Variants in ARHGAP39 observed in about 807,000 individuals in gnomAD.
The protein encoded by ARHGAP39 is Rho GTPase activating protein 39, also known as rho GTPase-activating protein 39.
In ARHGAP39, 44 loss-of-function variants were observed where a neutral mutation model predicts 106.9. That is an observed-to-expected ratio of 0.41 (90% CI 0.32 to 0.53). The LOEUF (loss-of-function observed/expected upper bound fraction) is 0.53, where lower values mean the gene tolerates loss of function less well. Ranked by LOEUF, ARHGAP39 falls within the 20% of genes least tolerant of loss-of-function variation. The pLI, the probability that ARHGAP39 is intolerant of heterozygous loss-of-function variation, is 0.21. For synonymous variants in ARHGAP39, 768 were observed against 693.2 expected (o/e 1.11, Z -1.69); for missense variants, 1,496 against 1,577.3 (o/e 0.95, Z 0.87).
At chr8:144,581,437 T>C (rs1263723569) in intron 2 of ARHGAP39, among the ~76,000 whole-genome samples, 160 bp from the exon 3 acceptor site, 3 of 152,224 alleles carry the variant, frequency 2.0e-5, no homozygotes, top group Non-Finnish European at 4.4e-5. Context: ...GCTGTGCTCC[T>C]GAGCACCCGC....
At chr8:144,597,236 G>A (rs528989362) in intron 2 of ARHGAP39, among the ~76,000 whole-genome samples, 46 of 152,312 alleles carry the variant, frequency 3.0e-4, no homozygotes, top group African/African-American at 1.0e-3. Context: ...CTGTGAGGAC[G>A]TGGGGAGGCA....
At chr8:144,627,255 G>T (rs935396445) in intron 1 of ARHGAP39, among the ~76,000 whole-genome samples, 3 of 152,182 alleles carry the variant, frequency 2.0e-5, no homozygotes, top group Non-Finnish European at 2.9e-5. Flanking sequence ...AGGCCACAAT[G>T]CAAGAAAGGG....
chr8:144,532,536 C>T (rs1427996231), intron 9 of ARHGAP39, 140 bp from the exon 10 acceptor site: 1 of 704,238 alleles, frequency 1.4e-6, no homozygotes, highest in Non-Finnish European at 2.4e-6. Context: ...CCCCGGTTGG[C>T]CTCTTTCCCA....
the ARHGAP39 span, among the ~76,000 whole-genome samples, chr8:144,694,816 G>A: frequency 0.05 from 7,622 of 152,156 alleles, 661 homozygotes; most frequent in East Asian, 0.37. Flanking sequence ...AGTACAGGGG[G>A]GCCTTCTCCT....
chr8:144,547,663 AGGACATGGCATCCTCCTG>A lies in ARHGAP39; in HGVS notation c.1405_1422del (p.Gln469_Ser474del). On this transcript the variant is annotated inframe_deletion, in exon 5 of 12. Coordinates refer to ENST00000377307, the MANE Select transcript of ARHGAP39 (RefSeq NM_025251.3). The surrounding 1 kb of genome is among the most constrained non-coding windows in gnomAD (Gnocchi z 5.2). ...GACAGGGTGTCCTGCTGGCTGGACCAGGACATGGCATCCTCCTGGGCCTGTGGCAGCGGCGTGGGCGGC... is the reference window on the plus strand; with the variant it reads ...GACAGGGTGTCCTGCTGGCTGGACCAGGCCTGTGGCAGCGGCGTGGGCGGC... 1 of 1,558,462 alleles carries A rather than the reference AGGACATGGCATCCTCCTG, an allele frequency of 6.4e-7. No homozygotes were observed.
chr8:144,568,885 A>T (rs113917265), intron 3 of ARHGAP39, among the ~76,000 whole-genome samples: 9,535 of 152,034 alleles, frequency 0.063, 990 homozygotes, highest in African/African-American at 0.22. Context: ...AAAAAAAAAG[A>T]GGAAAAAGGG....
chr8:144,561,119 C>T (rs1376162654), intron 3 of ARHGAP39, among the ~76,000 whole-genome samples: 2 of 152,234 alleles, frequency 1.3e-5, no homozygotes, highest in African/African-American at 4.8e-5. Context: ...AGCCCTAGGA[C>T]CCCAGTGGTT....
chr8:144,536,688 A>T (rs956815247), intron 7 of ARHGAP39, among the ~76,000 whole-genome samples: 5 of 152,136 alleles, frequency 3.3e-5, no homozygotes, highest in African/African-American at 4.8e-5. Flanking sequence ...CCTGGCACAG[A>T]CCTGCTGGTG....
At chr8:144,560,656 A>G (rs185193818) in intron 3 of ARHGAP39, among the ~76,000 whole-genome samples, 87 of 152,288 alleles carry the variant, frequency 5.7e-4, no homozygotes, top group African/African-American at 2.0e-3. Context: ...GGGTCCTGCA[A>G]GTGGGCCTTC....
Position 144,586,846 on chromosome 8 carries a change from G to A in ARHGAP39, c.81-5569C>T, listed in dbSNP as rs1007906320. On this transcript the variant is annotated intron_variant, in intron 2 of 11. Transcript: ENST00000377307. The surrounding 1 kb of genome is among the most constrained non-coding windows in gnomAD (Gnocchi z 4.2). ...CATCAGCAACCCTACATGGCTGCAC[G>A]CCCATCTCATACACCAGGATGGGCA... Among the ~76,000 whole-genome samples, 2 of 152,184 alleles carry A rather than the reference G, an allele frequency of 1.3e-5. No individual in the cohort carries two copies. The highest frequency in any genetic ancestry group is 4.8e-5 in the African/African-American group (2 of 41,444).
chr8:144,653,764 G>A (rs1040151537), intron 1 of ARHGAP39, among the ~76,000 whole-genome samples: 3 of 152,206 alleles, frequency 2.0e-5, no homozygotes, highest in Non-Finnish European at 4.4e-5. Context: ...GGTCATGACA[G>A]GGACTGGACT....
chr8:144,573,812 G>A (rs1293775374), intron 3 of ARHGAP39, among the ~76,000 whole-genome samples: 1 of 152,094 alleles, frequency 6.6e-6, no homozygotes, highest in Non-Finnish European at 1.5e-5. Flanking sequence ...AATCAAGAAC[G>A]AAAACGAAAA....
chr8:144,534,069 G>A (rs1816849842), intron 8 of ARHGAP39, 60 bp downstream of exon 8: 2 of 1,581,412 alleles, frequency 1.3e-6, no homozygotes, highest in Admixed American at 1.7e-5. Context: ...TCCTGGGGCT[G>A]TCCACCAAGG....
intron 10 of ARHGAP39, among the ~76,000 whole-genome samples, chr8:144,531,253 G>A (rs1369891784): frequency 2.0e-4 from 22 of 109,812 alleles, no homozygotes; most frequent in Admixed American, 5.3e-4. Context: ...AGGGCAGCGA[G>A]CAGCAGGTGG....
At chr8:144,611,976 T>G (rs1311059129) in intron 1 of ARHGAP39, among the ~76,000 whole-genome samples, 1 of 144,194 alleles carries the variant, frequency 6.9e-6, no homozygotes, top group Admixed American at 7.1e-5. Context: ...ACCATTGTAC[T>G]CCAACCTGGG....
At chr8:144,584,949 T>C (rs892971648) in intron 2 of ARHGAP39, among the ~76,000 whole-genome samples, 1 of 152,164 alleles carries the variant, frequency 6.6e-6, no homozygotes, top group Non-Finnish European at 1.5e-5. Context: ...AAGCCATTCT[T>C]GACCCTTGGT....
intron 9 of ARHGAP39, among the ~76,000 whole-genome samples, 190 bp from the exon 10 acceptor site, chr8:144,532,586 A>T (rs1816774938): frequency 6.6e-6 from 1 of 152,084 alleles, no homozygotes. Flanking sequence ...TTCCTGCCCC[A>T]CACACCTGCG....
At position 144,641,060 on chromosome 8, in the gene ARHGAP39, T is replaced by C. The variant is rs969108299; in HGVS notation, c.-81-35365A>G. ...AAAATGTACACTCAACTAGATATTTTTATTTCTCATCTGCCTGGGCCCATC... is the reference window on the plus strand; with the variant it reads ...AAAATGTACACTCAACTAGATATTTCTATTTCTCATCTGCCTGGGCCCATC... On this transcript the variant is annotated intron_variant, in intron 1 of 11. Transcript: ENST00000377307. The surrounding 1 kb of genome is among the most constrained non-coding windows in gnomAD (Gnocchi z 5.2). Among the ~76,000 whole-genome samples, 1 of 152,188 alleles carries C rather than the reference T, an allele frequency of 6.6e-6. No homozygotes were observed. Among genetic ancestry groups the C allele is most frequent in the African/African-American group, 2.4e-5 (1 of 41,442 alleles).
intron 1 of ARHGAP39, among the ~76,000 whole-genome samples, chr8:144,608,304 A>G (rs528688752): frequency 1.3e-5 from 2 of 152,302 alleles, no homozygotes; most frequent in South Asian, 4.1e-4. Flanking sequence ...TGAAGTTCTA[A>G]AAAGCTAAAA....
Sources: allele counts gnomAD v4.1 joint callset (sites outside exome capture counted in the v4.1 genomes callset), GRCh38; gene constraint gnomAD v4.1.1; non-coding constraint Gnocchi (gnomAD v3.1); transcripts MANE v1.5; gene names NCBI Gene and HGNC (gene_info 2026-07-23, HGNC 2026-07-21).